Variants in PRKD1 observed in about 807,000 individuals in gnomAD.
The protein encoded by PRKD1 is protein kinase D1.
Under a neutral mutation model 95.9 loss-of-function variants are expected in PRKD1, and 63 were observed. The ratio of observed to expected loss-of-function variants is 0.66; its 90% CI spans 0.54 to 0.81. The LOEUF is 0.81. PRKD1 is among the 30% of genes least tolerant of loss of function. The probability of loss-of-function intolerance (pLI) is 0.00; values close to 1 mark genes in which losing one functional copy is unlikely to be tolerated. For missense variants in PRKD1, 1,048 were observed against 1,165.3 expected (o/e 0.90, Z 1.47); for synonymous variants, 425 against 423.1 (o/e 1.00, Z -0.05).
At chr14:29,840,540 C>T (rs1025525864) in intron 1 of PRKD1, among the ~76,000 whole-genome samples, 7 of 151,976 alleles carry the variant, frequency 4.6e-5, no homozygotes, top group African/African-American at 1.7e-4. Flanking sequence ...TTTTCATTAG[C>T]ACCCCACTCC....
chr14:29,598,973 G>T, intron 15 of PRKD1, 54 bp downstream of exon 15: 2 of 1,401,514 alleles, frequency 1.4e-6, no homozygotes, highest in Non-Finnish European at 2.0e-6. Flanking sequence ...ATGCTACATG[G>T]AAGCTAGCAA....
intron 13 of PRKD1, among the ~76,000 whole-genome samples, chr14:29,618,250 C>G (rs549059820): frequency 4.9e-5 from 7 of 143,270 alleles, no homozygotes; most frequent in African/African-American, 1.0e-4. Flanking sequence ...AGCTTAATAT[C>G]TACATTCATT....
intron 1 of PRKD1, among the ~76,000 whole-genome samples, chr14:29,785,282 C>A (rs919031066): frequency 1.3e-5 from 2 of 152,120 alleles, no homozygotes; most frequent in Non-Finnish European, 2.9e-5. Context: ...TGGATGACAA[C>A]CTCTTTGGTC....
At chr14:29,874,679 A>C (rs1001554177) in intron 1 of PRKD1, among the ~76,000 whole-genome samples, 1 of 152,210 alleles carries the variant, frequency 6.6e-6, no homozygotes, top group Non-Finnish European at 1.5e-5. Context: ...AAATCTTGTC[A>C]TTTGCAACAA....
At chr14:29,676,130 A>T (rs183084883) in intron 2 of PRKD1, among the ~76,000 whole-genome samples, 14 of 150,602 alleles carry the variant, frequency 9.3e-5, no homozygotes, top group Non-Finnish European at 1.5e-4. Context: ...AAAAATTTTT[A>T]AAAAAGTAAG....
intron 1 of PRKD1, among the ~76,000 whole-genome samples, chr14:29,836,042 A>C (rs1891598821): frequency 6.6e-6 from 1 of 152,226 alleles, no homozygotes; most frequent in African/African-American, 2.4e-5. Flanking sequence ...GATCAGAAGA[A>C]AGAGATGTCT....
intron 4 of PRKD1, among the ~76,000 whole-genome samples, chr14:29,646,458 T>C (rs1881126406): frequency 6.6e-6 from 1 of 152,116 alleles, no homozygotes; most frequent in Non-Finnish European, 1.5e-5. Flanking sequence ...GATGTGACTA[T>C]TAAATACTGC....
chr14:29,579,687 T>C (rs1892689647), intron 16 of PRKD1, among the ~76,000 whole-genome samples: 1 of 152,174 alleles, frequency 6.6e-6, no homozygotes, highest in African/African-American at 2.4e-5. Flanking sequence ...TTGAGAACCA[T>C]ATCTCTATGG....
rs1035353910 is a variant in PRKD1, at chr14:29,722,076, T to A, written c.403+3460A>T. On this transcript the variant is annotated intron_variant, in intron 2 of 17. Transcript: ENST00000331968. ...TGAAGAAATAAAATTAACCTTGAAATTTTTCCCTATTTTTTCTCTCATTTT... is the reference window on the plus strand; with the variant it reads ...TGAAGAAATAAAATTAACCTTGAAAATTTTCCCTATTTTTTCTCTCATTTT... Among the ~76,000 whole-genome samples, 22 of 152,092 alleles carry A rather than the reference T, an allele frequency of 1.4e-4. 1 individual carries two copies. The highest frequency in any genetic ancestry group is 5.1e-4 in the African/African-American group (21 of 41,416).
At position 29,578,284 on chromosome 14, in the gene PRKD1, AGGGT is replaced by A; in HGVS notation, c.2507_2510del (p.His836LeufsTer10). ...AGTGATTATTGTTTACCTGTAGCCA[AGGGT>A]GGCTCAAGGTCTTATCCACACTGTA... On this transcript the variant is annotated frameshift_variant, in exon 17 of 18. Transcript: ENST00000331968. LOFTEE classifies it high-confidence loss of function. 1 of 1,604,658 alleles carries A rather than the reference AGGGT, an allele frequency of 6.2e-7. No individual in the cohort carries two copies. The highest frequency in any genetic ancestry group is 1.3e-5 in the African/African-American group (1 of 74,684).
intron 2 of PRKD1, among the ~76,000 whole-genome samples, chr14:29,708,500 T>C (rs1263658580): frequency 6.6e-6 from 1 of 152,182 alleles, no homozygotes; most frequent in East Asian, 1.9e-4. Flanking sequence ...ATTTCGTTCT[T>C]ACTAATTAGT....
chr14:29,781,455 T>C (rs1015014025), intron 1 of PRKD1, among the ~76,000 whole-genome samples: 2 of 152,170 alleles, frequency 1.3e-5, no homozygotes, highest in African/African-American at 4.8e-5. Flanking sequence ...ATGCCATCAG[T>C]TCAGCTACCA....
At chr14:29,826,782 C>CAT (rs1358133940) in intron 1 of PRKD1, among the ~76,000 whole-genome samples, 7,958 of 24,602 alleles carry the variant, frequency 0.32, 2,232 homozygotes, top group Non-Finnish European at 0.41. Flanking sequence ...CATATATATA[C>CAT]ATATATACAC....
chr14:29,921,745 A>C (rs1895116909), intron 1 of PRKD1, among the ~76,000 whole-genome samples: 1 of 152,208 alleles, frequency 6.6e-6, no homozygotes. Flanking sequence ...CAGCACAGTC[A>C]TGAAGTATGG....
At chr14:29,850,479 C>T (rs866265081) in intron 1 of PRKD1, among the ~76,000 whole-genome samples, 4 of 145,408 alleles carry the variant, frequency 2.8e-5, no homozygotes, top group Admixed American at 2.1e-4. Context: ...CACACACACA[C>T]ATATACACAC....
chr14:29,751,748 C>T (rs1025656316), intron 1 of PRKD1, among the ~76,000 whole-genome samples: 1 of 152,112 alleles, frequency 6.6e-6, no homozygotes, highest in African/African-American at 2.4e-5. Context: ...ATTTTAAGTG[C>T]CCTCTCACTC....
At chr14:29,729,723 T>TA (rs752203609) in intron 1 of PRKD1, among the ~76,000 whole-genome samples, 17 of 152,066 alleles carry the variant, frequency 1.1e-4, no homozygotes, top group Non-Finnish European at 2.4e-4. Context: ...CCTAGATTCT[T>TA]ATAGTGGAAG....
In PRKD1 at chr14:29,846,992, C is replaced by T. The variant is rs1255824519; in HGVS notation, c.264+80257G>A. Among the ~76,000 whole-genome samples, 6 of 152,290 alleles carry T rather than the reference C, an allele frequency of 3.9e-5. No individual in the cohort carries two copies. The South Asian group carries it at 6.2e-4, about 16-fold the overall frequency. On this transcript the variant is annotated intron_variant, in intron 1 of 17. Transcript: ENST00000331968. ...TCAGGCTACAAATAGAGACCAACTG[C>T]AGGGTCGATAGCCAAATCCCTAGGA... is the stretch of plus-strand genomic sequence containing the variant.
chr14:29,772,068 C>T (rs758646303), intron 1 of PRKD1, among the ~76,000 whole-genome samples: 2 of 152,038 alleles, frequency 1.3e-5, no homozygotes, highest in East Asian at 3.9e-4. Context: ...TATATGATTT[C>T]GATATTTGGA....
Sources: gnomAD v4.1 joint callset for allele counts (sites outside exome capture counted in the v4.1 genomes callset) on GRCh38, gnomAD v4.1.1 for gene constraint, MANE v1.5 for transcripts, NCBI Gene and HGNC (gene_info 2026-07-23, HGNC 2026-07-21) for gene names.